The following CCDC102B variants were observed in gnomAD, a reference collection of about 807,000 sequenced individuals.
CCDC102B encodes coiled-coil domain-containing protein 102B.
In CCDC102B, 75 loss-of-function variants were observed where a neutral mutation model predicts 57.4. The observed-to-expected ratio is 1.31, with a 90% confidence interval of 1.08 to 1.58. CCDC102B has a LOEUF of 1.58. Ranked by LOEUF, CCDC102B falls within the 40% of genes most tolerant of loss-of-function variation. The pLI is 0.00. For missense variants in CCDC102B, 636 were observed against 582.6 expected (o/e 1.09, Z -0.94); for synonymous variants, 206 against 201.9 (o/e 1.02, Z -0.17).
At chr18:68,901,523 G>A (rs1024726202) in intron 6 of CCDC102B, among the ~76,000 whole-genome samples, 8 of 152,172 alleles carry the variant, frequency 5.3e-5, no homozygotes, top group African/African-American at 1.7e-4. Flanking sequence ...TAGGTACAGA[G>A]TGACAAAAGA....
chr18:68,874,540 A>G, intron 4 of CCDC102B, 129 bp from the exon 5 acceptor site: 1 of 585,434 alleles, frequency 1.7e-6, no homozygotes, highest in Non-Finnish European at 3.1e-6. Context: ...ATCATCAGCA[A>G]CAAGCCTGCC....
At chr18:69,036,367 G>A (rs981783383) in intron 7 of CCDC102B, among the ~76,000 whole-genome samples, 1 of 151,990 alleles carries the variant, frequency 6.6e-6, no homozygotes, top group Non-Finnish European at 1.5e-5. Flanking sequence ...TTTTACTTGA[G>A]ATCTAAATTT....
Position 68,821,024 on chromosome 18 carries a change from A to G in CCDC102B, c.-15-15725A>G, listed in dbSNP as rs1019085296. Among the ~76,000 whole-genome samples, 10 of 152,114 alleles carry G rather than the reference A, an allele frequency of 6.6e-5. 1 individual carries two copies. Among genetic ancestry groups the G allele is most frequent in the African/African-American group, 2.4e-4 (10 of 41,438 alleles). On this transcript the variant is annotated intron_variant, in intron 1 of 7. Transcript: ENST00000360242. ...TTTTTCTTGTTTGAACTTATATCTA[A>G]TTCATGTGGTTAGAATGTTCTAAAT...
rs77086642 is a variant in CCDC102B, at chr18:68,779,807, A to G, written c.-66-43559A>G. On this transcript the variant is annotated intron_variant, in intron 2 of 3. Transcript: ENST00000578970. ...ATAGCTTAGGCAAACTTGCTGCCTC[A>G]CACATGGGTTGATTTTTTAAAAAGA... Among the ~76,000 whole-genome samples the G allele has an allele frequency of 3.2e-3, 487 of 152,236 alleles. 3 individuals carry two copies. Among genetic ancestry groups the G allele is most frequent in the African/African-American group, 0.011 (461 of 41,582 alleles).
intron 1 of CCDC102B, among the ~76,000 whole-genome samples, chr18:68,806,890 G>A (rs1361481957): frequency 6.6e-6 from 1 of 151,992 alleles, no homozygotes; most frequent in Non-Finnish European, 1.5e-5. Context: ...CACAATTCAG[G>A]CGACCCTCAT....
chr18:68,938,655 A>G (rs1358045774), intron 6 of CCDC102B, among the ~76,000 whole-genome samples: 1 of 151,728 alleles, frequency 6.6e-6, no homozygotes, highest in Non-Finnish European at 1.5e-5. Context: ...CCCTAGATAC[A>G]GTATGATATC....
intron 6 of CCDC102B, among the ~76,000 whole-genome samples, chr18:68,977,664 C>T (rs113908239): frequency 1.8e-4 from 28 of 151,514 alleles, no homozygotes; most frequent in African/African-American, 6.6e-4. Flanking sequence ...ATGATGATGA[C>T]GATGACTGTA....
chr18:69,055,717 G>A (rs535273276), downstream of CCDC102B, among the ~76,000 whole-genome samples: 2 of 152,012 alleles, frequency 1.3e-5, no homozygotes, highest in African/African-American at 4.8e-5. Context: ...GATCCTAAAC[G>A]CAAGTGGAAA....
chr18:68,938,120 C>A (rs1260783733), intron 6 of CCDC102B, among the ~76,000 whole-genome samples: 1 of 151,934 alleles, frequency 6.6e-6, no homozygotes, highest in Non-Finnish European at 1.5e-5. Flanking sequence ...CTTATTAAGT[C>A]AAAATTTATA....
chr18:68,898,793 T>G (rs1343574422), intron 6 of CCDC102B, among the ~76,000 whole-genome samples: 1 of 152,154 alleles, frequency 6.6e-6, no homozygotes, highest in Non-Finnish European at 1.5e-5. Flanking sequence ...TTATAGTGAT[T>G]GCTAAGAATA....
At position 68,746,751 on chromosome 18, in the gene CCDC102B, A is replaced by G. The variant is rs539419718; in HGVS notation, c.-67+30157A>G. ...TATCATCTTTTTTTTTTAAAAAATG[A>G]TAGTTTTATTAAAATATAATTGAGA... On this transcript the variant is annotated intron_variant, in intron 2 of 3. Transcript: ENST00000578970. Among the ~76,000 whole-genome samples the G allele has an allele frequency of 4.0e-5, 6 of 151,826 alleles. No individual in the cohort carries two copies. In the East Asian group the frequency reaches 7.7e-4, roughly 20 times the overall value.
At chr18:69,025,694 C>A (rs553941073) in intron 7 of CCDC102B, among the ~76,000 whole-genome samples, 1 of 152,292 alleles carries the variant, frequency 6.6e-6, no homozygotes, top group South Asian at 2.1e-4. Context: ...AAATATGATT[C>A]TGTCATTACT....
intron 2 of CCDC102B, among the ~76,000 whole-genome samples, chr18:68,792,187 A>T (rs146249342): frequency 2.2e-3 from 338 of 152,346 alleles, no homozygotes; most frequent in African/African-American, 7.9e-3. Flanking sequence ...TAATTTTATC[A>T]GCTATATCTG....
At chr18:68,865,220 C>A (rs941871630) in intron 4 of CCDC102B, among the ~76,000 whole-genome samples, 59 of 152,176 alleles carry the variant, frequency 3.9e-4, no homozygotes, top group Admixed American at 2.6e-3. Context: ...TGACTATTGC[C>A]AACTTCAGGG....
intron 2 of CCDC102B, among the ~76,000 whole-genome samples, chr18:68,765,337 G>GA (rs1423963045): frequency 1.0e-4 from 9 of 87,470 alleles, no homozygotes; most frequent in Admixed American, 3.7e-4. Context: ...AAGAAAGAAA[G>GA]AAAGAAAGAA....
intron 7 of CCDC102B, among the ~76,000 whole-genome samples, chr18:69,046,224 A>G (rs534166292): frequency 3.3e-5 from 5 of 152,174 alleles, no homozygotes; most frequent in Non-Finnish European, 7.4e-5. Context: ...CCCAAAATGC[A>G]TAAGTATTCC....
intron 4 of CCDC102B, among the ~76,000 whole-genome samples, chr18:68,857,079 TA>T (rs1360444192): frequency 1.8e-5 from 2 of 110,896 alleles, no homozygotes; most frequent in Admixed American, 1.2e-4. Flanking sequence ...ATATTATATA[TA>T]AATATATTTA....
chr18:69,042,598 C>T (rs751727906), intron 7 of CCDC102B, among the ~76,000 whole-genome samples: 1 of 151,874 alleles, frequency 6.6e-6, no homozygotes, highest in Non-Finnish European at 1.5e-5. Context: ...ACCTCAGTAC[C>T]CTGAATCGTG....
intron 6 of CCDC102B, among the ~76,000 whole-genome samples, chr18:68,988,214 A>G (rs550231094): frequency 6.8e-4 from 102 of 150,558 alleles, no homozygotes; most frequent in African/African-American, 2.5e-3. Context: ...ATGCAGCCAT[A>G]AAAGGGAAAA....
Sources: allele counts gnomAD v4.1 joint callset (sites outside exome capture counted in the v4.1 genomes callset), GRCh38; gene constraint gnomAD v4.1.1; transcripts MANE v1.5; gene names NCBI Gene and HGNC (gene_info 2026-07-23, HGNC 2026-07-21).